Variants in ZNF536 observed in about 807,000 individuals in gnomAD.
The protein encoded by ZNF536 is zinc finger protein 536.
ZNF536 carries 13 observed loss-of-function variants against 84.5 expected under a neutral mutation model. That is an observed-to-expected ratio of 0.15 (90% confidence interval 0.10 to 0.24). ZNF536 has a LOEUF of 0.24. ZNF536 is among the 10% of genes least tolerant of loss of function. The pLI, the probability that ZNF536 is intolerant of heterozygous loss-of-function variation, is 1.00. For synonymous variants in ZNF536, 811 were observed against 742.5 expected (o/e 1.09, Z -1.50); for missense variants, 1,536 against 1,747.5 (o/e 0.88, Z 2.16).
intron 2 of ZNF536, among the ~76,000 whole-genome samples, chr19:30,349,900 C>T (rs149854231): frequency 5.9e-5 from 9 of 152,060 alleles, no homozygotes; most frequent in Middle Eastern, 3.4e-3. Context: ...AGTATGTTAC[C>T]ATTAAAATCT....
At chr19:30,652,840 G>A (rs2049760367) in intron 1 of ZNF536, among the ~76,000 whole-genome samples, 1 of 152,158 alleles carries the variant, frequency 6.6e-6, no homozygotes, top group Admixed American at 6.5e-5. Flanking sequence ...CATCCCTGGT[G>A]GCTGTAAAGT....
chr19:30,434,382 T>C (rs1371765831), intron 1 of ZNF536, among the ~76,000 whole-genome samples: 1 of 152,184 alleles, frequency 6.6e-6, no homozygotes, highest in East Asian at 1.9e-4. Flanking sequence ...CGTCTTCTGT[T>C]CCTTGGCCTC....
At chr19:30,349,659 C>T (rs2047868113) in intron 2 of ZNF536, among the ~76,000 whole-genome samples, 1 of 152,068 alleles carries the variant, frequency 6.6e-6, no homozygotes, top group Non-Finnish European at 1.5e-5. Flanking sequence ...TCCTTGGGGT[C>T]TGTGCTTTAT....
intron 2 of ZNF536, among the ~76,000 whole-genome samples, chr19:30,483,351 C>T (rs1235668964): frequency 6.6e-6 from 1 of 152,140 alleles, no homozygotes; most frequent in Non-Finnish European, 1.5e-5. Flanking sequence ...CCAGCTGGGA[C>T]CTTTTCCAAG....
intron 1 of ZNF536, among the ~76,000 whole-genome samples, chr19:30,417,292 C>T (rs531544230): frequency 1.6e-4 from 25 of 151,766 alleles, no homozygotes; most frequent in African/African-American, 5.3e-4. Flanking sequence ...CCACTGTGCC[C>T]GGCCCTGATT....
At chr19:30,374,358 A>C (rs2048725984) in intron 1 of ZNF536, among the ~76,000 whole-genome samples, 1 of 152,156 alleles carries the variant, frequency 6.6e-6, no homozygotes, top group Admixed American at 6.5e-5. Context: ...AAAAATATAA[A>C]GTAATACTAT....
intron 1 of ZNF536, among the ~76,000 whole-genome samples, chr19:30,612,916 T>C (rs1329200214): frequency 6.6e-6 from 1 of 152,254 alleles, no homozygotes; most frequent in East Asian, 1.9e-4. Flanking sequence ...TGAATTTAAT[T>C]GTCATAGCTC....
chr19:30,370,688 A>G (rs2048582329), upstream of ZNF536, among the ~76,000 whole-genome samples: 1 of 152,262 alleles, frequency 6.6e-6, no homozygotes, highest in African/African-American at 2.4e-5. Flanking sequence ...AATCATCAAT[A>G]TCAATACTTA....
intron 2 of ZNF536, among the ~76,000 whole-genome samples, chr19:30,514,786 C>T (rs1046978966): frequency 3.9e-5 from 6 of 152,046 alleles, no homozygotes; most frequent in Admixed American, 2.6e-4. Flanking sequence ...GTACTTGCAA[C>T]GTGAGGACCC....
intron 1 of ZNF536, among the ~76,000 whole-genome samples, chr19:30,641,638 G>A (rs1015217023): frequency 1.2e-4 from 18 of 152,076 alleles, no homozygotes; most frequent in Middle Eastern, 3.4e-3. Flanking sequence ...CTTCACCCTC[G>A]TGCTTTAGAG....
Position 30,492,673 on chromosome 19 carries a change from T to C in ZNF536, c.2171-42174T>C, listed in dbSNP as rs375359149. On this transcript the variant is annotated intron_variant, in intron 2 of 4. Coordinates refer to ENST00000355537, the MANE Select transcript of ZNF536 (RefSeq NM_014717.3). Reference sequence around the variant, plus strand: ...CGTATCCACGAGACCACTGCAGCTGTTCCTGTACTCACAATAGCAGATTAA... The same window carrying C: ...CGTATCCACGAGACCACTGCAGCTGCTCCTGTACTCACAATAGCAGATTAA... 6.0e-4 allele frequency among the ~76,000 whole-genome samples: 92 copies of C among 152,380 alleles called. No individual in the cohort carries two copies. In the South Asian group the frequency reaches 0.019, roughly 31 times the overall value.
At chr19:30,526,987 C>T (rs1318304710) in intron 2 of ZNF536, among the ~76,000 whole-genome samples, 2 of 151,770 alleles carry the variant, frequency 1.3e-5, no homozygotes, top group South Asian at 2.1e-4. Flanking sequence ...GGTGTGAACT[C>T]GGCTCGCTGC....
At chr19:30,375,691 G>C (rs1183549952) in intron 1 of ZNF536, among the ~76,000 whole-genome samples, 1 of 152,242 alleles carries the variant, frequency 6.6e-6, no homozygotes, top group Non-Finnish European at 1.5e-5. Context: ...AGTGCAGGCT[G>C]GAATGTGCCG....
At chr19:30,663,877 C>T (rs1342464873) in intron 1 of ZNF536, among the ~76,000 whole-genome samples, 1 of 152,152 alleles carries the variant, frequency 6.6e-6, no homozygotes, top group Non-Finnish European at 1.5e-5. Context: ...AAGGAAATTT[C>T]CATATGAAAA....
intron 3 of ZNF536, among the ~76,000 whole-genome samples, chr19:30,547,140 GC>G (rs2045588740): frequency 6.6e-6 from 1 of 152,034 alleles, no homozygotes; most frequent in African/African-American, 2.4e-5. Context: ...CAAATTTAAG[GC>G]ACTACAAAGA....
At chr19:30,346,727 T>G (rs186611257) in intron 2 of ZNF536, among the ~76,000 whole-genome samples, 101 of 152,390 alleles carry the variant, frequency 6.6e-4, no homozygotes, top group South Asian at 2.1e-3. Flanking sequence ...TACCACATTT[T>G]CTTTATCCAG....
chr19:30,653,703 G>A (rs1272217605), intron 1 of ZNF536, among the ~76,000 whole-genome samples: 1 of 150,706 alleles, frequency 6.6e-6, no homozygotes, highest in East Asian at 1.9e-4. Flanking sequence ...CTTAGGAGCA[G>A]GTGATGGAAG....
intron 3 of ZNF536, among the ~76,000 whole-genome samples, chr19:30,364,825 A>G (rs1294243352): frequency 6.6e-6 from 1 of 152,216 alleles, no homozygotes; most frequent in Non-Finnish European, 1.5e-5. Flanking sequence ...TTCTTTTCAT[A>G]TGTATACAAA....
rs377165068 is a variant in ZNF536 at position 30,709,290 on chromosome 19, A to G, written c.170-1467A>G. Among the ~76,000 whole-genome samples, 5 of 152,228 alleles carry G rather than the reference A, an allele frequency of 3.3e-5. No homozygotes were observed. In the East Asian group the frequency reaches 7.7e-4, roughly 24 times the overall value. ...TTTAAAACTCATGCTGGCCTTGATT[A>G]CCTGTTCATCTTTCTCCTGGTCCCG... On this transcript the variant is annotated intron_variant, in intron 1 of 1. Coordinates refer to the ZNF536 transcript ENST00000592773.
Sources: allele counts gnomAD v4.1 joint callset (sites outside exome capture counted in the v4.1 genomes callset), GRCh38; gene constraint gnomAD v4.1.1; transcripts MANE v1.5; gene names NCBI Gene and HGNC (gene_info 2026-07-23, HGNC 2026-07-21).